TNFRSF19: variants seen among roughly 807,000 people sequenced by gnomAD.
TNFRSF19 encodes tumor necrosis factor receptor superfamily member 19.
In TNFRSF19, 27 loss-of-function variants were observed where a neutral mutation model predicts 46.4. The observed-to-expected ratio is 0.58, with a 90% confidence interval of 0.43 to 0.80. The LOEUF is 0.80. TNFRSF19 is among the 30% of genes least tolerant of loss of function. The pLI is 0.00. For missense variants in TNFRSF19, 511 were observed against 530.8 expected (o/e 0.96, Z 0.37); for synonymous variants, 204 against 205.0 (o/e 1.00, Z 0.04).
At chr13:23,618,924 C>A (rs1881478704) in intron 4 of TNFRSF19, among the ~76,000 whole-genome samples, 1 of 152,172 alleles carries the variant, frequency 6.6e-6, no homozygotes, top group African/African-American at 2.4e-5. Context: ...TTTTTATTTG[C>A]CTTCCACCTT....
At chr13:23,613,789 A>C (rs925397237) in intron 3 of TNFRSF19, among the ~76,000 whole-genome samples, 1 of 152,198 alleles carries the variant, frequency 6.6e-6, no homozygotes, top group African/African-American at 2.4e-5. Flanking sequence ...GCCTGCACAC[A>C]GCTCTCCCAG....
intron 4 of TNFRSF19, among the ~76,000 whole-genome samples, chr13:23,618,649 G>C (rs1341763625): frequency 6.6e-6 from 1 of 152,226 alleles, no homozygotes; most frequent in Non-Finnish European, 1.5e-5. Context: ...TGACCTGACA[G>C]TTTGACTCTT....
At chr13:23,632,159 G>A (rs949685820) in intron 5 of TNFRSF19, among the ~76,000 whole-genome samples, 2 of 152,180 alleles carry the variant, frequency 1.3e-5, no homozygotes, top group Non-Finnish European at 2.9e-5. Flanking sequence ...TCCATTTACT[G>A]AGGGTTTTCA....
chr13:23,577,530 T>G (rs1878044249), intron 1 of TNFRSF19, among the ~76,000 whole-genome samples: 1 of 152,206 alleles, frequency 6.6e-6, no homozygotes, highest in South Asian at 2.1e-4. Context: ...ACACAGAATC[T>G]TATGATACAG....
chr13:23,658,955 TG>T, intron 5 of TNFRSF19, 94 bp from the exon 6 acceptor site: 1 of 1,525,814 alleles, frequency 6.6e-7, no homozygotes, highest in South Asian at 1.1e-5. Flanking sequence ...TCTCACAGCA[TG>T]GGAAGGCCAC....
intron 3 of TNFRSF19, among the ~76,000 whole-genome samples, chr13:23,600,644 C>G (rs985140356): frequency 1.3e-5 from 2 of 152,108 alleles, no homozygotes; most frequent in Non-Finnish European, 2.9e-5. Context: ...ACACATACAC[C>G]AAAGGCTCAC....
At chr13:23,608,157 C>T (rs1880642494) in intron 3 of TNFRSF19, among the ~76,000 whole-genome samples, 1 of 152,170 alleles carries the variant, frequency 6.6e-6, no homozygotes, top group Non-Finnish European at 1.5e-5. Flanking sequence ...ACAGCAGCTC[C>T]AGGTCCACCG....
At chr13:23,660,314 C>T (rs1308945398) in intron 6 of TNFRSF19, 51 bp from the exon 7 acceptor site, 3 of 1,565,220 alleles carry the variant, frequency 1.9e-6, no homozygotes, top group Middle Eastern at 1.8e-4. Context: ...TGGCACAGGT[C>T]CACTAGAGAG....
intron 5 of TNFRSF19, 114 bp downstream of exon 5, chr13:23,626,906 G>A (rs1882052113): frequency 1.1e-6 from 1 of 893,034 alleles, no homozygotes; most frequent in African/African-American, 1.7e-5. Flanking sequence ...CTCCTGTGGG[G>A]TGTACAGTGT....
chr13:23,633,288 T>A (rs1306329671), intron 5 of TNFRSF19, among the ~76,000 whole-genome samples: 1 of 152,084 alleles, frequency 6.6e-6, no homozygotes, highest in African/African-American at 2.4e-5. Context: ...AGTTTTTGTG[T>A]TTTCGGTAGA....
intron 4 of TNFRSF19, among the ~76,000 whole-genome samples, chr13:23,623,146 C>A (rs960666744): frequency 1.3e-5 from 2 of 152,116 alleles, no homozygotes; most frequent in African/African-American, 4.8e-5. Flanking sequence ...AACCACCTTT[C>A]TTTCTGTTTC....
intron 5 of TNFRSF19, among the ~76,000 whole-genome samples, chr13:23,637,847 C>T (rs1287392097): frequency 2.0e-5 from 3 of 152,246 alleles, no homozygotes; most frequent in African/African-American, 7.2e-5. Context: ...GTGGCCTTCT[C>T]CAAATGCAAG....
chr13:23,611,346 T>A (rs1403822921), intron 3 of TNFRSF19, among the ~76,000 whole-genome samples: 1 of 152,162 alleles, frequency 6.6e-6, no homozygotes, highest in Non-Finnish European at 1.5e-5. Context: ...AGGAGCAGGC[T>A]GGGTTTGGTG....
chr13:23,589,631 C>T (rs1003925216), intron 1 of TNFRSF19, among the ~76,000 whole-genome samples: 3 of 152,192 alleles, frequency 2.0e-5, no homozygotes, highest in African/African-American at 7.2e-5. Flanking sequence ...GGTTACTTAG[C>T]CCTCTCTGAG....
At chr13:23,608,012 G>A (rs1880633058) in intron 3 of TNFRSF19, among the ~76,000 whole-genome samples, 1 of 152,134 alleles carries the variant, frequency 6.6e-6, no homozygotes, top group Admixed American at 6.5e-5. Flanking sequence ...ATAAAAATGT[G>A]TAGTCAGGGC....
chr13:23,636,768 C>A (rs1339172867), intron 5 of TNFRSF19, among the ~76,000 whole-genome samples: 2 of 152,064 alleles, frequency 1.3e-5, no homozygotes, highest in African/African-American at 4.8e-5. Context: ...TAACTTCCCT[C>A]GGACTCCTGT....
chr13:23,611,224 A>G (rs1880893561), intron 3 of TNFRSF19, among the ~76,000 whole-genome samples: 3 of 152,178 alleles, frequency 2.0e-5, no homozygotes, highest in African/African-American at 7.2e-5. Flanking sequence ...CCAGAACTGG[A>G]CAGTGGAACA....
Position 23,615,554 on chromosome 13 carries a change from T to C in TNFRSF19, c.181-313T>C, listed in dbSNP as rs545411776. On this transcript the variant is annotated intron_variant, in intron 3 of 9. Transcript: ENST00000248484. The stretch of plus-strand genomic sequence containing the variant: ...CTTCTGAGCATGCACATGACTGGCT[T>C]AATTAGAGGAGAAGAAGTGCCATAA... 1.6e-3 allele frequency among the ~76,000 whole-genome samples: 247 copies of C among 152,332 alleles called. 1 individual carries two copies. The South Asian group carries it at 0.016, about 10-fold the overall frequency.
At chr13:23,600,235 A>G (rs532008280) in intron 3 of TNFRSF19, among the ~76,000 whole-genome samples, 28 of 152,328 alleles carry the variant, frequency 1.8e-4, no homozygotes, top group Non-Finnish European at 3.8e-4. Flanking sequence ...CCCAACAGGA[A>G]GTAAAAAGCT....
Sources: gnomAD v4.1 joint callset for allele counts (sites outside exome capture counted in the v4.1 genomes callset) on GRCh38, gnomAD v4.1.1 for gene constraint, MANE v1.5 for transcripts, NCBI Gene and HGNC (gene_info 2026-07-23, HGNC 2026-07-21) for gene names.